The following BRINP3 variants were observed in gnomAD, a reference collection of about 807,000 sequenced individuals.
The protein encoded by BRINP3 is BMP/retinoic acid inducible neural specific 3, also known as BMP/retinoic acid-inducible neural-specific protein 3.
A neutral mutation model predicts 71.0 loss-of-function variants in BRINP3; 19 were observed. That is an observed-to-expected ratio of 0.27 (90% CI 0.19 to 0.39). The LOEUF is 0.39. BRINP3 is among the 10% of genes least tolerant of loss of function. The probability of loss-of-function intolerance (pLI) is 1.00; values close to 1 mark genes in which losing one functional copy is unlikely to be tolerated. For synonymous variants in BRINP3, 380 were observed against 337.7 expected (o/e 1.13, Z -1.37); for missense variants, 959 against 940.8 (o/e 1.02, Z -0.25).
chr1:190,414,255 C>T (rs534412786), intron 2 of BRINP3, among the ~76,000 whole-genome samples: 2 of 151,988 alleles, frequency 1.3e-5, no homozygotes, highest in African/African-American at 4.8e-5. Flanking sequence ...GTATTGAGCC[C>T]AGTGAAGTGC....
intron 4 of BRINP3, among the ~76,000 whole-genome samples, chr1:190,245,598 ATT>A (rs1003021039): frequency 6.6e-6 from 1 of 151,152 alleles, no homozygotes; most frequent in Admixed American, 6.6e-5. Context: ...AAGTTTAGTG[ATT>A]TTTTTTTCTT....
intron 2 of BRINP3, among the ~76,000 whole-genome samples, chr1:190,349,841 A>G (rs1239043085): frequency 6.6e-6 from 1 of 152,172 alleles, no homozygotes; most frequent in Non-Finnish European, 1.5e-5. Context: ...GCTTACCATT[A>G]GATATGCCTA....
intron 6 of BRINP3, among the ~76,000 whole-genome samples, chr1:190,219,656 G>A (rs1325061859): frequency 1.3e-5 from 2 of 151,768 alleles, no homozygotes; most frequent in Admixed American, 6.6e-5. Context: ...TGGCCAACAT[G>A]GTGAAACCCT....
At chr1:190,470,994 A>C (rs191574412) in intron 1 of BRINP3, among the ~76,000 whole-genome samples, 279 of 151,244 alleles carry the variant, frequency 1.8e-3, no homozygotes, top group Middle Eastern at 3.4e-3. Context: ...AGTGTAGAGG[A>C]GTGGATTAAA....
At chr1:190,364,432 A>T (rs139411041) in intron 2 of BRINP3, among the ~76,000 whole-genome samples, 2 of 152,048 alleles carry the variant, frequency 1.3e-5, no homozygotes, top group South Asian at 4.1e-4. Context: ...TCTATATCTG[A>T]TATCAGTATC....
chr1:190,225,677 G>A (rs1217351079), intron 6 of BRINP3, among the ~76,000 whole-genome samples: 1 of 151,954 alleles, frequency 6.6e-6, no homozygotes, highest in East Asian at 1.9e-4. Context: ...TAAGTGAAGT[G>A]AAAATAAGCA....
At chr1:190,300,624 C>T (rs34957551) in intron 2 of BRINP3, among the ~76,000 whole-genome samples, 1 of 152,096 alleles carries the variant, frequency 6.6e-6, no homozygotes, top group Non-Finnish European at 1.5e-5. Context: ...TGACCTCTGA[C>T]CCCCGAGCAG....
chr1:190,257,429 G>A (rs1372326686), intron 4 of BRINP3, among the ~76,000 whole-genome samples: 1 of 152,042 alleles, frequency 6.6e-6, no homozygotes, highest in Non-Finnish European at 1.5e-5. Flanking sequence ...CGATGGGTTC[G>A]AACATCGTCC....
At chr1:190,409,497 C>G (rs1208331329) in intron 2 of BRINP3, among the ~76,000 whole-genome samples, 1 of 152,052 alleles carries the variant, frequency 6.6e-6, no homozygotes, top group African/African-American at 2.4e-5. Context: ...GGTTATTTTA[C>G]ACATCTAACA....
chr1:190,178,009 G>T (rs1337469677), intron 6 of BRINP3, among the ~76,000 whole-genome samples: 1 of 152,048 alleles, frequency 6.6e-6, no homozygotes, highest in African/African-American at 2.4e-5. Context: ...ATGATTTAAA[G>T]CTTATAAGAG....
At chr1:190,234,979 A>G (rs1440974252) in intron 4 of BRINP3, among the ~76,000 whole-genome samples, 1 of 152,060 alleles carries the variant, frequency 6.6e-6, no homozygotes. Context: ...CATCTGGTCC[A>G]GTTCTTTCCA....
chr1:190,234,683 G>A (rs1658348717), intron 4 of BRINP3, among the ~76,000 whole-genome samples: 1 of 151,934 alleles, frequency 6.6e-6, no homozygotes, highest in South Asian at 2.1e-4. Context: ...TCTTTCCTTT[G>A]GTTGGGCATA....
intron 2 of BRINP3, among the ~76,000 whole-genome samples, chr1:190,341,708 T>C (rs1667668553): frequency 6.6e-6 from 1 of 151,678 alleles, no homozygotes; most frequent in Admixed American, 6.6e-5. Context: ...AATATCAAAG[T>C]TCCATAGTTG....
At chr1:190,320,952 G>GTT (rs1005171916) in intron 2 of BRINP3, among the ~76,000 whole-genome samples, 1 of 150,984 alleles carries the variant, frequency 6.6e-6, no homozygotes, top group African/African-American at 2.5e-5. Context: ...ATGTATATAT[G>GTT]TTATATATAT....
At chr1:190,163,245 A>G (rs764800963) in intron 6 of BRINP3, among the ~76,000 whole-genome samples, 1 of 152,258 alleles carries the variant, frequency 6.6e-6, no homozygotes, top group South Asian at 2.1e-4. Context: ...ATTTTATCTT[A>G]TAGGAATTAC....
chr1:190,441,541 A>T (rs1161651793), intron 2 of BRINP3, among the ~76,000 whole-genome samples: 1 of 151,958 alleles, frequency 6.6e-6, no homozygotes, highest in Non-Finnish European at 1.5e-5. Flanking sequence ...TTAATTGAGG[A>T]TATATTTTTT....
chr1:190,141,052 T>A (rs781275763), intron 7 of BRINP3, among the ~76,000 whole-genome samples: 18 of 152,212 alleles, frequency 1.2e-4, no homozygotes, highest in Non-Finnish European at 2.4e-4. Context: ...CTGACTCTCC[T>A]ATAAATATTC....
At chr1:190,111,206 A>AAAC (rs1553241603) in intron 7 of BRINP3, among the ~76,000 whole-genome samples, 11 of 142,156 alleles carry the variant, frequency 7.7e-5, no homozygotes, top group African/African-American at 3.0e-4. Context: ...AAAAAAAAAA[A>AAAC]AACTTTAGAA....
intron 1 of BRINP3, among the ~76,000 whole-genome samples, chr1:190,471,176 G>A (rs1677113806): frequency 6.6e-6 from 1 of 150,988 alleles, no homozygotes; most frequent in Non-Finnish European, 1.5e-5. Context: ...GTATAAAATC[G>A]TTATGGTGGC....
Sources: allele counts gnomAD v4.1 joint callset (sites outside exome capture counted in the v4.1 genomes callset), GRCh38; gene constraint gnomAD v4.1.1; transcripts MANE v1.5; gene names NCBI Gene and HGNC (gene_info 2026-07-23, HGNC 2026-07-21).